MME: variants seen among roughly 807,000 people sequenced by gnomAD.
The protein encoded by MME is neprilysin.
MME carries 98 observed loss-of-function variants against 113.2 expected under a neutral mutation model. The ratio of observed to expected loss-of-function variants is 0.87; its 90% CI spans 0.74 to 1.02. MME has a LOEUF of 1.02. Among genes scored for constraint, MME ranks in the 50% least tolerant of loss-of-function variants. The pLI is 0.00. For missense variants in MME, 836 were observed against 896.0 expected, an observed-to-expected ratio of 0.93 and a Z score of 0.86; for synonymous variants, 292 against 300.6, an observed-to-expected ratio of 0.97 and a Z score of 0.30.
chr3:155,173,593 A>G (rs1176635826), intron 22 of MME, among the ~76,000 whole-genome samples: 2 of 151,684 alleles, frequency 1.3e-5, no homozygotes, highest in Non-Finnish European at 2.9e-5. Context: ...CATCATCATC[A>G]TCATCATCTA....
At position 155,166,930 on chromosome 3, in the gene MME, C is replaced by A; in HGVS notation, c.1689C>A (p.Pro563=). The stretch of plus-strand genomic sequence containing the variant: ...TCCCAGCCGGCATTCTGCAGCCCCC[C>A]TTCTTTAGTGCCCAGCAGTCCAACT... ...IVFPAGILQP[P]FFSAQQSNSL... Residue 563 remains proline, a synonymous_variant, in exon 18 of 23, where the codon CCC becomes CCA. Coordinates refer to ENST00000360490, the MANE Select transcript of MME (RefSeq NM_007289.4). 1.2e-6 allele frequency: 2 copies of A among 1,613,730 alleles called. No individual in the cohort carries two copies. Among genetic ancestry groups the A allele is most frequent in the South Asian group, 1.1e-5 (1 of 91,082 alleles).
At chr3:155,077,089 C>A (rs867305315), upstream of MME, among the ~76,000 whole-genome samples, 8 of 152,258 alleles carry the variant, frequency 5.3e-5, no homozygotes, top group Admixed American at 2.0e-4. Context: ...CAGGTCTCAG[C>A]CTTATTTTAC....
rs1212034399 is a variant in MME at position 155,138,183 on chromosome 3, C to T, written c.802C>T (p.Gln268Ter). 1.2e-6 allele frequency: 2 copies of T among 1,613,644 alleles called. No homozygotes were observed. Among genetic ancestry groups the T allele is most frequent in the Admixed American group, 1.7e-5 (1 of 59,978 alleles). Residue 268 changes from glutamine (Q) to a stop codon, truncating the protein, a stop_gained, in exon 9 of 23, where the codon CAG (glutamine) becomes TAG (stop). Coordinates refer to ENST00000360490, the MANE Select transcript of MME (RefSeq NM_007289.4). LOFTEE classifies it high-confidence loss of function. ...QEERLPIDEN[Q>*]LALEMNKVME... ...AGAAAGATTGCCCATCGATGAAAAC[C>T]AGCTTGCTTTGGAAATGAATAAAGT...
rs376291529 is a variant in MME, at chr3:155,147,245, C to G, written c.1497+21C>G. 7.2e-6 allele frequency: 10 copies of G among 1,395,192 alleles called. No homozygotes were observed. In the African/African-American group the frequency reaches 1.4e-4, roughly 20 times the overall value. 86.4% of individuals were successfully genotyped at this position (1,395,192 alleles called of 1,614,324 possible). Reference sequence around the variant, plus strand: ...TCGAGGTAAGTCTCTATAAAATAGACTCTGGACTACTGATACTTAGGGCTG... The same window carrying G: ...TCGAGGTAAGTCTCTATAAAATAGAGTCTGGACTACTGATACTTAGGGCTG... On this transcript the variant is annotated intron_variant, in intron 15 of 22. Coordinates refer to ENST00000360490, the MANE Select transcript of MME (RefSeq NM_007289.4).
intron 1 of MME, among the ~76,000 whole-genome samples, chr3:155,069,901 A>T (rs1434401995): frequency 6.6e-6 from 1 of 152,146 alleles, no homozygotes; most frequent in Non-Finnish European, 1.5e-5. Flanking sequence ...GAAGGACCTT[A>T]TTGAGAACTG....
chr3:155,044,850 G>T (rs186607800), intron 1 of MME, among the ~76,000 whole-genome samples: 44 of 152,094 alleles, frequency 2.9e-4, no homozygotes, highest in Admixed American at 9.8e-4. Flanking sequence ...CGAAGAAGTA[G>T]AATTTATTAA....
intron 8 of MME, among the ~76,000 whole-genome samples, chr3:155,133,062 A>AAAAAAAATATATATATATATATATATAT (rs1553762419): frequency 1.3e-5 from 1 of 75,076 alleles, no homozygotes; most frequent in Non-Finnish European, 2.6e-5. Context: ...AAAAAAAAAA[A>AAAAAAAATATATATATATATATATATAT]ATATATATAT....
Position 155,139,700 on chromosome 3 carries a change from A to G in MME, c.856-491A>G, listed in dbSNP as rs1361720651. On this transcript the variant is annotated intron_variant, in intron 9 of 22. Transcript: ENST00000360490. The stretch of plus-strand genomic sequence containing the variant: ...AACTTGCAACCAAATTGTGCTCTGT[A>G]CTAGGAAGTTTCTCTGTTACTTGCG... Among the ~76,000 whole-genome samples the G allele has an allele frequency of 2.0e-5, 3 of 152,204 alleles. No individual in the cohort carries two copies. The East Asian group carries it at 5.8e-4, about 29-fold the overall frequency.
chr3:155,034,068 A>G (rs1713055687), intron 1 of MME, among the ~76,000 whole-genome samples: 1 of 152,220 alleles, frequency 6.6e-6, no homozygotes, highest in South Asian at 2.1e-4. Context: ...ACACAGGGAA[A>G]AAGACTACCT....
chr3:155,166,983 T>C lies in MME; in HGVS notation c.1742T>C (p.Val581Ala). The C allele has an allele frequency of 6.2e-7, 1 of 1,613,760 alleles. No individual in the cohort carries two copies. Among genetic ancestry groups the C allele is most frequent in the Non-Finnish European group, 8.5e-7 (1 of 1,179,780 alleles). The stretch of plus-strand genomic sequence containing the variant: ...TTGAACTATGGGGGCATCGGCATGG[T>C]CATAGGACACGAAATCACCCATGGC... ...NSLNYGGIGM[V>A]IGHEITHGFD... The change falls in exon 18 of 23, where the codon GTC becomes GCC. Residue 581 changes from valine to alanine, a missense_variant. By Grantham distance (64) the Val-to-Ala change is moderately conservative. Transcript: ENST00000360490.
rs369295580 is a variant in MME at position 155,161,246 on chromosome 3, A to G, written c.1660+798A>G. 7.2e-5 allele frequency among the ~76,000 whole-genome samples: 11 copies of G among 152,080 alleles called. No homozygotes were observed. In the East Asian group the frequency reaches 1.4e-3, roughly 19 times the overall value. On this transcript the variant is annotated intron_variant, in intron 17 of 22. Coordinates refer to ENST00000360490, the MANE Select transcript of MME (RefSeq NM_007289.4). ...GTTTTTAGCATTAGAAAGGTACTCAACTGATTCAGTACTGCCAGAAATATT... is the reference window on the plus strand; with the variant it reads ...GTTTTTAGCATTAGAAAGGTACTCAGCTGATTCAGTACTGCCAGAAATATT...
intron 1 of MME, among the ~76,000 whole-genome samples, chr3:155,050,346 A>G (rs1030184966): frequency 6.6e-6 from 1 of 152,192 alleles, no homozygotes; most frequent in Non-Finnish European, 1.5e-5. Context: ...TTGGTTATAT[A>G]CCCAATAATG....
At chr3:155,073,216 TAG>T (rs1714638499) in intron 1 of MME, among the ~76,000 whole-genome samples, 2 of 152,102 alleles carry the variant, frequency 1.3e-5, no homozygotes, top group African/African-American at 4.8e-5. Flanking sequence ...CTAAATCCAA[TAG>T]AGGTCAGTGG....
intron 3 of MME, among the ~76,000 whole-genome samples, chr3:155,089,370 A>T (rs1028233644): frequency 6.6e-6 from 1 of 152,230 alleles, no homozygotes; most frequent in Non-Finnish European, 1.5e-5. Flanking sequence ...TGTGCTTTAA[A>T]TCAGGGTTTC....
intron 1 of MME, among the ~76,000 whole-genome samples, chr3:155,031,034 T>C (rs961984323): frequency 2.0e-5 from 3 of 152,212 alleles, no homozygotes; most frequent in African/African-American, 7.2e-5. Context: ...GACTGCAGTT[T>C]GGAATGATTT....
intron 1 of MME, among the ~76,000 whole-genome samples, chr3:155,059,575 A>G (rs1399638637): frequency 4.6e-5 from 7 of 152,190 alleles, no homozygotes; most frequent in African/African-American, 1.7e-4. Flanking sequence ...GAGACAAGCT[A>G]TTAACCACTA....
At chr3:155,080,720 A>T (rs1229236363) in intron 1 of MME, among the ~76,000 whole-genome samples, 1 of 152,118 alleles carries the variant, frequency 6.6e-6, no homozygotes, top group Non-Finnish European at 1.5e-5. Flanking sequence ...AATAAGGGTA[A>T]TTGCAACCAA....
intron 22 of MME, among the ~76,000 whole-genome samples, chr3:155,174,360 G>A (rs1399163696): frequency 6.7e-6 from 1 of 149,742 alleles, no homozygotes; most frequent in Non-Finnish European, 1.5e-5. Flanking sequence ...GTGTGTGTGT[G>A]TGTGTGTGTG....
intron 16 of MME, among the ~76,000 whole-genome samples, chr3:155,150,370 G>A (rs1721834066): frequency 1.3e-5 from 2 of 152,106 alleles, no homozygotes; most frequent in Non-Finnish European, 2.9e-5. Context: ...TTTTAAGATA[G>A]ATAATCAAAA....
Sources: gnomAD v4.1 joint callset for allele counts (sites outside exome capture counted in the v4.1 genomes callset) on GRCh38, gnomAD v4.1.1 for gene constraint, MANE v1.5 for transcripts, NCBI Gene and HGNC (gene_info 2026-07-23, HGNC 2026-07-21) for gene names.